Variants in CLOCK observed in about 807,000 individuals in gnomAD.
CLOCK encodes circadian locomoter output cycles protein kaput.
Under a neutral mutation model 118.4 loss-of-function variants are expected in CLOCK, and 43 were observed. That is an observed-to-expected ratio of 0.36 (90% CI 0.28 to 0.47). CLOCK has a LOEUF of 0.47. CLOCK is among the 20% of genes least tolerant of loss of function. The pLI is 1.00. For missense variants in CLOCK, 846 were observed against 999.9 expected (o/e 0.85, Z 2.08); for synonymous variants, 326 against 339.2 (o/e 0.96, Z 0.43).
Position 55,427,906 on chromosome 4 carries a change from A to G in CLOCK, c.*7509T>C, listed in dbSNP as rs940285490. 3 of 152,240 alleles carry G rather than the reference A, an allele frequency of 2.0e-5. No individual in the cohort carries two copies. The highest frequency in any genetic ancestry group is 7.2e-5 in the African/African-American group (3 of 41,450). The allele number at this position is 152,240 out of a possible 1,614,324, so 9.4% of individuals were successfully genotyped here. A position where few individuals can be genotyped will look rare whatever the true frequency, so the allele number is the denominator to read the frequency against. On this transcript the variant is annotated 3_prime_UTR_variant, in exon 23 of 23. Coordinates refer to ENST00000513440, the MANE Select transcript of CLOCK (RefSeq NM_004898.4). ...AATAAAAGAAAGGGAAATGTCATTG[A>G]TAGTGATCTTAAAATATTTAATAGT...
intron 1 of CLOCK, among the ~76,000 whole-genome samples, chr4:55,519,760 G>C (rs1263711969): frequency 4.6e-5 from 7 of 151,976 alleles, no homozygotes; most frequent in Admixed American, 1.3e-4. Context: ...CTGGGTAACA[G>C]AGCAAAAATC....
At chr4:55,438,568 G>A (rs987533833) in intron 21 of CLOCK, 31 bp from the exon 22 acceptor site, 35 of 1,612,088 alleles carry the variant, frequency 2.2e-5, no homozygotes, top group Non-Finnish European at 2.8e-5. Flanking sequence ...AAAAATTGGA[G>A]TCCAAAGTAC....
intron 2 of CLOCK, among the ~76,000 whole-genome samples, chr4:55,491,947 T>G (rs1727728831): frequency 6.6e-6 from 1 of 152,172 alleles, no homozygotes; most frequent in Non-Finnish European, 1.5e-5. Context: ...ACCATATACA[T>G]GACTTCACTG....
At chr4:55,515,533 C>T (rs974832542) in intron 1 of CLOCK, among the ~76,000 whole-genome samples, 10 of 152,206 alleles carry the variant, frequency 6.6e-5, no homozygotes, top group African/African-American at 1.9e-4. Context: ...TGACACCATG[C>T]CTGGTTAATT....
rs778270203 is a variant in CLOCK, at chr4:55,438,516, A to T, written c.2127T>A (p.Leu709=). 1.2e-6 allele frequency: 2 copies of T among 1,613,536 alleles called. No individual in the cohort carries two copies. Among genetic ancestry groups the T allele is most frequent in the Non-Finnish European group, 1.7e-6 (2 of 1,179,996 alleles). ...RQIRFSQGQQ[L]VTKLVTAPVA... ...CAGGAGCAGTCACTAATTTGGTCAC[A>T]AGTTGTTGACCTTGAGAAAATCTGT... Residue 709 remains leucine (L), a synonymous_variant, in exon 22 of 23, where the codon CTT becomes CTA. Transcript: ENST00000513440.
chr4:55,523,360 AG>A (rs1729963316), intron 1 of CLOCK, among the ~76,000 whole-genome samples: 1 of 152,170 alleles, frequency 6.6e-6, no homozygotes, highest in Non-Finnish European at 1.5e-5. Context: ...TTGTGACCAA[AG>A]AGTAGCTAGA....
intron 2 of CLOCK, among the ~76,000 whole-genome samples, chr4:55,505,491 C>T (rs1728742705): frequency 6.6e-6 from 1 of 151,724 alleles, no homozygotes; most frequent in African/African-American, 2.4e-5. Context: ...TGGCAAAACC[C>T]CTTATCTACT....
At chr4:55,529,575 G>A (rs941737757) in intron 1 of CLOCK, among the ~76,000 whole-genome samples, 27 of 152,122 alleles carry the variant, frequency 1.8e-4, no homozygotes, top group Non-Finnish European at 2.9e-4. Flanking sequence ...TGAAGATACC[G>A]CATTCAATTA....
chr4:55,508,587 C>A (rs6838305), intron 2 of CLOCK, among the ~76,000 whole-genome samples: 1 of 145,950 alleles, frequency 6.9e-6, no homozygotes, highest in Non-Finnish European at 1.5e-5. Flanking sequence ...AAGGGCCACA[C>A]GGGTAAATTT....
At chr4:55,458,297 G>C (rs1725057742) in intron 11 of CLOCK, among the ~76,000 whole-genome samples, 1 of 152,002 alleles carries the variant, frequency 6.6e-6, no homozygotes, top group Admixed American at 6.6e-5. Flanking sequence ...ACTGGGCTCA[G>C]GCAATCCTCT....
chr4:55,447,177 G>A (rs1723928784), intron 18 of CLOCK, among the ~76,000 whole-genome samples: 1 of 151,854 alleles, frequency 6.6e-6, no homozygotes, highest in Non-Finnish European at 1.5e-5. Flanking sequence ...GACCAGCCTG[G>A]GCAACATGGC....
chr4:55,480,398 G>A (rs1260745723), intron 4 of CLOCK, among the ~76,000 whole-genome samples: 4 of 152,122 alleles, frequency 2.6e-5, no homozygotes, highest in African/African-American at 9.7e-5. Context: ...CTGAGTAGCT[G>A]GGACCACAGG....
At chr4:55,467,697 T>C (rs181348536) in intron 8 of CLOCK, among the ~76,000 whole-genome samples, 154 of 152,352 alleles carry the variant, frequency 1.0e-3, no homozygotes, top group African/African-American at 3.3e-3. Flanking sequence ...CTGGGTTTTC[T>C]TGCTATGAAA....
intron 1 of CLOCK, among the ~76,000 whole-genome samples, chr4:55,511,045 G>A (rs1577828726): frequency 6.6e-6 from 1 of 152,140 alleles, no homozygotes; most frequent in Non-Finnish European, 1.5e-5. Context: ...ACCTTTGCAA[G>A]AGCCCAAGGA....
intron 1 of CLOCK, among the ~76,000 whole-genome samples, chr4:55,539,650 T>C (rs1159546918): frequency 1.4e-5 from 2 of 147,736 alleles, no homozygotes; most frequent in Admixed American, 6.7e-5. Flanking sequence ...AAATCACTGA[T>C]ACTAGGTAGG....
At chr4:55,508,022 T>C (rs191824515) in intron 2 of CLOCK, among the ~76,000 whole-genome samples, 3 of 152,140 alleles carry the variant, frequency 2.0e-5, no homozygotes, top group African/African-American at 7.2e-5. Flanking sequence ...CATAACTAAG[T>C]GTTCTCAAGG....
rs186574447 is a variant in CLOCK, at chr4:55,442,302, T to C, written c.2105+130A>G. 10 of 798,586 alleles carry C rather than the reference T, an allele frequency of 1.3e-5. No individual in the cohort carries two copies. The African/African-American group carries it at 1.5e-4, about 12-fold the overall frequency. 49.5% of individuals were successfully genotyped at this position (798,586 alleles called of 1,614,324 possible). A position where few individuals can be genotyped will look rare whatever the true frequency, so the allele number is the denominator to read the frequency against. ...ATACATTCAGTGTTTTTATTTCAAATTTAAGAACATTGGCTGCAGTGAGCA... is the reference window on the plus strand; with the variant it reads ...ATACATTCAGTGTTTTTATTTCAAACTTAAGAACATTGGCTGCAGTGAGCA... On this transcript the variant is annotated intron_variant, in intron 21 of 22. Transcript: ENST00000513440.
At chr4:55,453,198 T>A in intron 14 of CLOCK, 69 bp from the exon 15 acceptor site, 1 of 1,251,870 alleles carries the variant, frequency 8.0e-7, no homozygotes, top group Non-Finnish European at 1.2e-6. Context: ...CAGCTGTAAC[T>A]ATTCAGTGTT....
chr4:55,524,116 T>C (rs963659560), intron 1 of CLOCK, among the ~76,000 whole-genome samples: 36 of 152,126 alleles, frequency 2.4e-4, no homozygotes, highest in African/African-American at 8.4e-4. Flanking sequence ...CGGCCGGGCA[T>C]AGCAGCTGAT....
Sources: gnomAD v4.1 joint callset for allele counts (sites outside exome capture counted in the v4.1 genomes callset) on GRCh38, gnomAD v4.1.1 for gene constraint, MANE v1.5 for transcripts, NCBI Gene and HGNC (gene_info 2026-07-23, HGNC 2026-07-21) for gene names.